FOXO1: variants seen among roughly 807,000 people sequenced by gnomAD.
FOXO1 encodes forkhead box protein O1.
A neutral mutation model predicts 44.1 loss-of-function variants in FOXO1; 6 were observed. The observed-to-expected ratio is 0.14, with a 90% CI of 0.07 to 0.27. FOXO1 has a LOEUF of 0.27. Ranked by LOEUF, FOXO1 falls within the 10% of genes least tolerant of loss-of-function variation. The pLI, the probability that FOXO1 is intolerant of heterozygous loss-of-function variation, is 1.00. For synonymous variants in FOXO1, 380 were observed against 362.7 expected, an observed-to-expected ratio of 1.05 and a Z score of -0.54; for missense variants, 737 against 888.8, an observed-to-expected ratio of 0.83 and a Z score of 2.17.
intron 1 of FOXO1, among the ~76,000 whole-genome samples, chr13:40,577,849 T>C (rs1434501003): frequency 6.6e-6 from 1 of 152,216 alleles, no homozygotes; most frequent in African/African-American, 2.4e-5. Context: ...TCAAGGGTGA[T>C]ATCCATGACC....
At chr13:40,620,146 C>G in intron 1 of FOXO1, 1 of 1,446,178 alleles carries the variant, frequency 6.9e-7, no homozygotes, top group Non-Finnish European at 9.7e-7. Context: ...TAATTCAAGA[C>G]TTATGTCAAG....
At chr13:40,641,063 C>T (rs1453227664) in intron 1 of FOXO1, among the ~76,000 whole-genome samples, 1 of 152,142 alleles carries the variant, frequency 6.6e-6, no homozygotes, top group Non-Finnish European at 1.5e-5. Context: ...GGATTACAGG[C>T]GTGAGCCATC....
Position 40,556,734 on chromosome 13 carries a change from T to C in FOXO1, c.*2315A>G, listed in dbSNP as rs946177498. On this transcript the variant is annotated 3_prime_UTR_variant, in exon 3 of 3. Transcript: ENST00000379561. ...ATTACCCAGACTCAGGAGGAAGATA[T>C]ATTTTCCTAAGAGCTACTCCATGAA... is the stretch of plus-strand genomic sequence containing the variant. 2.6e-5 allele frequency: 4 copies of C among 152,278 alleles called. No homozygotes were observed. The highest frequency in any genetic ancestry group is 2.1e-4 in the South Asian group (1 of 4,828). The allele number at this position is 152,278 out of a possible 1,614,324, so 9.4% of individuals were successfully genotyped here.
At chr13:40,634,785 T>TTCC (rs1877090473) in intron 1 of FOXO1, among the ~76,000 whole-genome samples, 1 of 152,026 alleles carries the variant, frequency 6.6e-6, no homozygotes, top group Admixed American at 6.6e-5. Flanking sequence ...GCTCAAGCAA[T>TTCC]TCTCCTTCCT....
At chr13:40,638,801 T>C (rs1168338288) in intron 1 of FOXO1, among the ~76,000 whole-genome samples, 3 of 151,982 alleles carry the variant, frequency 2.0e-5, no homozygotes, top group Non-Finnish European at 4.4e-5. Flanking sequence ...ATTCATACTG[T>C]GATGAGGCAC....
intron 1 of FOXO1, chr13:40,619,035 C>T: frequency 2.1e-6 from 1 of 486,750 alleles, no homozygotes. Context: ...GCCTGTAATC[C>T]CAGCACTTTG....
intron 1 of FOXO1, chr13:40,620,445 T>C: frequency 1.5e-6 from 1 of 645,356 alleles, no homozygotes; most frequent in South Asian, 1.6e-5. Context: ...TGTTGAGCCA[T>C]CATCAGTGGC....
At chr13:40,649,382 T>C (rs1877605828) in intron 1 of FOXO1, among the ~76,000 whole-genome samples, 1 of 152,174 alleles carries the variant, frequency 6.6e-6, no homozygotes, top group Admixed American at 6.5e-5. Flanking sequence ...GGAGTATAAA[T>C]GAGGCTTAAT....
chr13:40,629,922 T>C (rs185615455), intron 1 of FOXO1, among the ~76,000 whole-genome samples: 18 of 152,316 alleles, frequency 1.2e-4, no homozygotes, highest in Admixed American at 1.2e-3. Flanking sequence ...CATAAATCAT[T>C]CTGAAACCAG....
At chr13:40,606,311 C>A (rs952031424) in intron 1 of FOXO1, among the ~76,000 whole-genome samples, 2 of 152,018 alleles carry the variant, frequency 1.3e-5, no homozygotes, top group Admixed American at 6.6e-5. Context: ...CTTTTTCTTT[C>A]TTTCTTCTTT....
intron 1 of FOXO1, among the ~76,000 whole-genome samples, chr13:40,650,993 G>C (rs1160000123): frequency 6.6e-6 from 1 of 152,156 alleles, no homozygotes; most frequent in African/African-American, 2.4e-5. Context: ...AACCTCAAGT[G>C]ATCTGCTGAC....
rs1221446433 is a variant in FOXO1 at position 40,558,542 on chromosome 13, T to C, written c.*507A>G. The C allele has an allele frequency of 3.9e-6, 1 of 253,552 alleles. No homozygotes were observed. The highest frequency in any genetic ancestry group is 6.9e-5 in the East Asian group (1 of 14,432). The allele number at this position is 253,552 out of a possible 1,614,324, so 15.7% of individuals were successfully genotyped here. On this transcript the variant is annotated 3_prime_UTR_variant, in exon 3 of 3. Transcript: ENST00000379561. ...ATGGAGATGCAGAATGGAGATTCAG[T>C]TCTTTGTGATCCGTCAGTTCCGCAG...
chr13:40,605,453 C>T (rs980869090), intron 1 of FOXO1, among the ~76,000 whole-genome samples: 2 of 152,118 alleles, frequency 1.3e-5, no homozygotes, highest in Non-Finnish European at 2.9e-5. Flanking sequence ...CTCGATAGCT[C>T]CCTACTCTCA....
rs557452604 is a variant in FOXO1, at chr13:40,660,817, C to T, written c.630+4766G>A. 1.8e-4 allele frequency among the ~76,000 whole-genome samples: 27 copies of T among 152,222 alleles called. No homozygotes were observed. In the East Asian group the frequency reaches 5.0e-3, roughly 28 times the overall value. The stretch of plus-strand genomic sequence containing the variant: ...CTAGTCCATGAGCAGTGGCTCGTGC[C>T]GATAATCCCAACTATTCGGGAGGCT... On this transcript the variant is annotated intron_variant, in intron 1 of 2. Transcript: ENST00000379561.
Position 40,665,818 on chromosome 13 carries a change from G to T in FOXO1, c.395C>A (p.Ser132Ter). Residue 132 changes from serine (S) to a stop codon, truncating the protein, a stop_gained, in exon 1 of 3, where the codon TCG (serine) becomes TAG (stop). Coordinates refer to ENST00000379561, the MANE Select transcript of FOXO1 (RefSeq NM_002015.4). LOFTEE classifies it high-confidence loss of function. ...GGCGGGGGGCACCGGCGGGTGCTGC[G>T]ACAGCGGCCCGGGCGGCGGGGGCTG... Reference protein sequence around the residue: ...PPQPPPPGPLSQHPPVPPAAA... With the variant: ...PPQPPPPGPL 1 of 1,203,092 alleles carries T rather than the reference G, an allele frequency of 8.3e-7. No homozygotes were observed. The highest frequency in any genetic ancestry group is 4.1e-5 in the South Asian group (1 of 24,100). The allele number at this position is 1,203,092 out of a possible 1,614,324, so 74.5% of individuals were successfully genotyped here. A position where few individuals can be genotyped will look rare whatever the true frequency, so the allele number is the denominator to read the frequency against.
chr13:40,660,599 C>T (rs1018606950), intron 1 of FOXO1, among the ~76,000 whole-genome samples: 7 of 152,206 alleles, frequency 4.6e-5, no homozygotes, highest in African/African-American at 1.7e-4. Flanking sequence ...GAATATTCTT[C>T]CCCCTCATCC....
At chr13:40,663,995 C>T (rs1455059488) in intron 1 of FOXO1, among the ~76,000 whole-genome samples, 12 of 152,222 alleles carry the variant, frequency 7.9e-5, no homozygotes, top group Non-Finnish European at 1.5e-5. Context: ...TTTAGCTCGG[C>T]CGGGAACGGT....
At chr13:40,571,231 G>A (rs1874480465) in intron 1 of FOXO1, among the ~76,000 whole-genome samples, 1 of 152,034 alleles carries the variant, frequency 6.6e-6, no homozygotes, top group Admixed American at 6.6e-5. Context: ...ATGGGGTGGG[G>A]GGAAGGGGGA....
Position 40,556,151 on chromosome 13 carries a change from T to C in FOXO1, c.*2898A>G, listed in dbSNP as rs536362400. The C allele has an allele frequency of 6.6e-6, 1 of 152,360 alleles. No homozygotes were observed. The highest frequency in any genetic ancestry group is 1.9e-4 in the East Asian group (1 of 5,192). The allele number at this position is 152,360 out of a possible 1,614,324, so 9.4% of individuals were successfully genotyped here. A position where few individuals can be genotyped will look rare whatever the true frequency, so the allele number is the denominator to read the frequency against. ...GAGCTTGAATGTAAGAATTTTAAGT[T>C]GGGGCTGGGGTTATTGGTAGCATAT... On this transcript the variant is annotated 3_prime_UTR_variant, in exon 3 of 3. Coordinates refer to ENST00000379561, the MANE Select transcript of FOXO1 (RefSeq NM_002015.4).
Sources: gnomAD v4.1 joint callset for allele counts (sites outside exome capture counted in the v4.1 genomes callset) on GRCh38, gnomAD v4.1.1 for gene constraint, MANE v1.5 for transcripts, NCBI Gene and HGNC (gene_info 2026-07-23, HGNC 2026-07-21) for gene names.